The following TMEM87A variants were observed in gnomAD, a reference collection of about 807,000 sequenced individuals.
The protein encoded by TMEM87A is Golgi-pH regulating cation channel.
Under a neutral mutation model 90.0 loss-of-function variants are expected in TMEM87A, and 50 were observed. The observed-to-expected ratio is 0.56, with a 90% CI of 0.44 to 0.70. TMEM87A has a LOEUF of 0.70. Ranked by LOEUF, TMEM87A falls within the 30% of genes least tolerant of loss-of-function variation. TMEM87A has a pLI of 0.00. For synonymous variants in TMEM87A, 226 were observed against 226.7 expected, an observed-to-expected ratio of 1.00 and a Z score of 0.03; for missense variants, 577 against 660.5, an observed-to-expected ratio of 0.87 and a Z score of 1.39.
At chr15:42,230,967 C>T (rs1012537385) in intron 12 of TMEM87A, among the ~76,000 whole-genome samples, 2 of 151,948 alleles carry the variant, frequency 1.3e-5, no homozygotes, top group African/African-American at 2.4e-5. Context: ...ATCTCGAGCT[C>T]GGTCCACAGT....
In TMEM87A at chr15:42,272,093, G is replaced by A. The variant is rs2051542623; in HGVS notation, c.175C>T (p.Leu59Phe). 6.2e-7 allele frequency: 1 copy of A among 1,606,614 alleles called. No homozygotes were observed. The highest frequency in any genetic ancestry group is 8.5e-7 in the Non-Finnish European group (1 of 1,177,382). The change falls in exon 2 of 20, where the codon CTC becomes TTC. Residue 59 changes from leucine (L) to phenylalanine (F), a missense_variant. Coordinates refer to ENST00000389834, the MANE Select transcript of TMEM87A (RefSeq NM_015497.5). Reference sequence around the variant, plus strand: ...AGGAAGATAGTGGTATTTCTGAAGAGGATCTTTCCAAAACTAAAATAATTT... The same window carrying A: ...AGGAAGATAGTGGTATTTCTGAAGAAGATCTTTCCAAAACTAAAATAATTT... ...GKNYFSFGKI[L>F]FRNTTIFLKF...
intron 15 of TMEM87A, among the ~76,000 whole-genome samples, chr15:42,221,521 G>T (rs1377362509): frequency 5.9e-5 from 9 of 152,008 alleles, no homozygotes; most frequent in Non-Finnish European, 1.3e-4. Flanking sequence ...ATTCAATTAA[G>T]TTCCAATCAA....
intron 17 of TMEM87A, among the ~76,000 whole-genome samples, chr15:42,218,720 C>T (rs895262277): frequency 2.0e-5 from 3 of 152,132 alleles, no homozygotes; most frequent in Non-Finnish European, 2.9e-5. Context: ...GGCTTCTTCA[C>T]GCTGTTGCGA....
chr15:42,218,226 C>G (rs949804409), intron 18 of TMEM87A, 97 bp downstream of exon 18: 1 of 1,177,838 alleles, frequency 8.5e-7, no homozygotes, highest in African/African-American at 1.5e-5. Context: ...TTTTCAGTAT[C>G]TTGTATTTTC....
intron 15 of TMEM87A, among the ~76,000 whole-genome samples, chr15:42,226,151 C>T (rs1267411671): frequency 2.6e-5 from 4 of 152,120 alleles, no homozygotes; most frequent in Admixed American, 1.3e-4. Flanking sequence ...AGGCATCCAC[C>T]TCCACACTCA....
chr15:42,213,208 A>C (rs1455010890), intron 19 of TMEM87A, among the ~76,000 whole-genome samples: 1 of 152,218 alleles, frequency 6.6e-6, no homozygotes, highest in African/African-American at 2.4e-5. Flanking sequence ...TGTACATCCA[A>C]CATTCTGACT....
At chr15:42,224,725 T>A (rs1358719840) in intron 15 of TMEM87A, among the ~76,000 whole-genome samples, 1 of 152,196 alleles carries the variant, frequency 6.6e-6, no homozygotes, top group Non-Finnish European at 1.5e-5. Context: ...ATTTATGCTA[T>A]CCATGAAAAT....
At chr15:42,223,365 C>T (rs2050531750) in intron 15 of TMEM87A, among the ~76,000 whole-genome samples, 1 of 152,106 alleles carries the variant, frequency 6.6e-6, no homozygotes, top group Non-Finnish European at 1.5e-5. Context: ...TACACTCCAG[C>T]CTTGGCTTCA....
At chr15:42,220,829 T>C (rs905366109) in intron 15 of TMEM87A, among the ~76,000 whole-genome samples, 2 of 152,198 alleles carry the variant, frequency 1.3e-5, no homozygotes. Context: ...TCTCGCTCTG[T>C]CGCCCAGGCT....
At chr15:42,226,220 G>A (rs905212038) in intron 15 of TMEM87A, among the ~76,000 whole-genome samples, 2 of 151,020 alleles carry the variant, frequency 1.3e-5, no homozygotes, top group Non-Finnish European at 3.0e-5. Flanking sequence ...GGCTGGTCTC[G>A]AACTCCTGAC....
At chr15:42,222,181 C>T (rs1336022502) in intron 15 of TMEM87A, among the ~76,000 whole-genome samples, 2 of 152,182 alleles carry the variant, frequency 1.3e-5, no homozygotes, top group Non-Finnish European at 2.9e-5. Flanking sequence ...GCCTCAGTCT[C>T]CCAAATAGCT....
chr15:42,264,037 T>C (rs1024909982), intron 4 of TMEM87A, 53 bp downstream of exon 4: 9 of 1,421,342 alleles, frequency 6.3e-6, no homozygotes, highest in African/African-American at 5.7e-5. Flanking sequence ...CAAAAATATA[T>C]ACATTCCAAT....
At position 42,273,394 on chromosome 15, in the gene TMEM87A, G is replaced by A. The variant is rs373908111; in HGVS notation, c.5C>T (p.Ala2Val). The A allele has an allele frequency of 5.0e-6, 8 of 1,613,844 alleles. No homozygotes were observed. The highest frequency in any genetic ancestry group is 1.6e-4 in the Middle Eastern group (1 of 6,084). Residue 2 changes from alanine to valine, a missense_variant, in exon 1 of 20, where the codon GCG (alanine) becomes GTG (valine). Physicochemically the swap from Ala to Val is moderately conservative, Grantham distance 64 (BLOSUM62 0). Transcript: ENST00000389834. ...CAACACCTGAAGCCACGCAGCCGCCGCCATCTTCACAGCCGTGGAGTGCCT... is the reference window on the plus strand; with the variant it reads ...CAACACCTGAAGCCACGCAGCCGCCACCATCTTCACAGCCGTGGAGTGCCT... M[A>V]AAAWLQVLPV... is the part of the protein sequence containing the mutation.
intron 9 of TMEM87A, 103 bp downstream of exon 9, chr15:42,237,329 A>T: frequency 9.3e-7 from 1 of 1,078,928 alleles, no homozygotes; most frequent in Non-Finnish European, 1.3e-6. Flanking sequence ...ATAATTAAGT[A>T]ATTGAAAAGT....
At chr15:42,226,292 G>A (rs965295673) in intron 15 of TMEM87A, among the ~76,000 whole-genome samples, 11 of 151,060 alleles carry the variant, frequency 7.3e-5, no homozygotes, top group African/African-American at 2.7e-4. Context: ...GAGCCACCAC[G>A]CCCAGCCCCT....
intron 11 of TMEM87A, among the ~76,000 whole-genome samples, chr15:42,232,274 T>G (rs1351657631): frequency 2.0e-5 from 3 of 152,004 alleles, no homozygotes; most frequent in Non-Finnish European, 2.9e-5. Flanking sequence ...GTTGCTGGAG[T>G]GTAATGGCAT....
intron 6 of TMEM87A, among the ~76,000 whole-genome samples, chr15:42,259,675 A>C (rs899521715): frequency 3.3e-5 from 5 of 152,222 alleles, no homozygotes; most frequent in Non-Finnish European, 7.3e-5. Flanking sequence ...AAGCTCCAAA[A>C]TATTCCTGGA....
rs748127499 is a variant in TMEM87A, at chr15:42,273,423, G to A, written c.-25C>T. ...TCTTCACAGCCGTGGAGTGCCTACC[G>A]AAAGCATTTCACCCTCTTCCGGTTC... On this transcript the variant is annotated 5_prime_UTR_variant, in exon 1 of 20. Coordinates refer to ENST00000389834, the MANE Select transcript of TMEM87A (RefSeq NM_015497.5). 2.5e-6 allele frequency: 4 copies of A among 1,613,038 alleles called. No homozygotes were observed. Among genetic ancestry groups the A allele is most frequent in the African/African-American group, 2.7e-5 (2 of 74,920 alleles).
chr15:42,260,925 T>TGGTCAATGCCCCAAATCCCCAAATATAC (rs2051275160), intron 6 of TMEM87A, 33 bp downstream of exon 6: 3 of 1,593,476 alleles, frequency 1.9e-6, no homozygotes, highest in Non-Finnish European at 2.6e-6. Flanking sequence ...CTAAAATATG[T>TGGTCAATGCCCCAAATCCCCAAATATAC]GTTCAATGCC....
Sources: gnomAD v4.1 joint callset for allele counts (sites outside exome capture counted in the v4.1 genomes callset) on GRCh38, gnomAD v4.1.1 for gene constraint, MANE v1.5 for transcripts, NCBI Gene and HGNC (gene_info 2026-07-23, HGNC 2026-07-21) for gene names.